The following GAB2 variants were observed in gnomAD, a reference collection of about 807,000 sequenced individuals.
GAB2 encodes the protein GRB2-associated-binding protein 2.
In GAB2, 26 loss-of-function variants were observed where a neutral mutation model predicts 65.5. That is an observed-to-expected ratio of 0.40 (90% CI 0.29 to 0.55). The LOEUF (loss-of-function observed/expected upper bound fraction) is 0.55, where lower values mean the gene tolerates loss of function less well. Ranked by LOEUF, GAB2 falls within the 20% of genes least tolerant of loss-of-function variation. The pLI, the probability that GAB2 is intolerant of heterozygous loss-of-function variation, is 0.53. For missense variants in GAB2, 884 were observed against 875.8 expected, an observed-to-expected ratio of 1.01 and a Z score of -0.12; for synonymous variants, 321 against 329.6, an observed-to-expected ratio of 0.97 and a Z score of 0.28.
intron 1 of GAB2, among the ~76,000 whole-genome samples, chr11:78,408,115 T>A (rs142722035): frequency 6.6e-6 from 1 of 152,250 alleles, no homozygotes; most frequent in East Asian, 1.9e-4. Flanking sequence ...AGAAAGCACA[T>A]AGTAAACAAA....
intron 1 of GAB2, among the ~76,000 whole-genome samples, chr11:78,303,197 C>A (rs1867081470): frequency 6.9e-6 from 1 of 145,294 alleles, no homozygotes; most frequent in Non-Finnish European, 1.5e-5. Context: ...TGTGGAAATA[C>A]AAAATTTTTT....
chr11:78,228,906 C>T (rs915939374), intron 3 of GAB2, among the ~76,000 whole-genome samples: 7 of 152,062 alleles, frequency 4.6e-5, no homozygotes, highest in Non-Finnish European at 7.4e-5. Flanking sequence ...TTTCATTTTG[C>T]TTTTTTTGGA....
intron 6 of GAB2, among the ~76,000 whole-genome samples, 168 bp downstream of exon 6, chr11:78,223,244 G>C (rs961365251): frequency 6.6e-6 from 1 of 152,124 alleles, no homozygotes; most frequent in Non-Finnish European, 1.5e-5. Flanking sequence ...AAACCTGGGA[G>C]GTAGGAATTA....
intron 9 of GAB2, among the ~76,000 whole-genome samples, 200 bp from the exon 10 acceptor site, chr11:78,219,615 C>T (rs1282802541): frequency 6.6e-6 from 1 of 152,156 alleles, no homozygotes; most frequent in Non-Finnish European, 1.5e-5. Context: ...CATCATCCCT[C>T]CTGCAGGATG....
chr11:78,313,045 G>A (rs750442260), intron 1 of GAB2, among the ~76,000 whole-genome samples: 1 of 152,064 alleles, frequency 6.6e-6, no homozygotes, highest in Non-Finnish European at 1.5e-5. Context: ...TCAGTCCTTG[G>A]TCTGCTATTT....
chr11:78,243,329 G>T (rs1480194565), intron 3 of GAB2, among the ~76,000 whole-genome samples: 2 of 152,030 alleles, frequency 1.3e-5, no homozygotes, highest in Non-Finnish European at 2.9e-5. Flanking sequence ...TTAGCCAGGA[G>T]TGGTGGTGGG....
intron 1 of GAB2, among the ~76,000 whole-genome samples, chr11:78,402,842 C>G (rs779029488): frequency 1.3e-5 from 2 of 152,066 alleles, no homozygotes; most frequent in Non-Finnish European, 2.9e-5. Flanking sequence ...ATGCCCCAGC[C>G]CGCCCCACCA....
At chr11:78,333,675 AG>A (rs1418274959) in intron 1 of GAB2, among the ~76,000 whole-genome samples, 1 of 152,212 alleles carries the variant, frequency 6.6e-6, no homozygotes, top group Non-Finnish European at 1.5e-5. Context: ...CAGGGAGAAC[AG>A]TAAGTTTTTC....
chr11:78,367,243 C>T (rs1356214803), intron 1 of GAB2, among the ~76,000 whole-genome samples: 1 of 152,204 alleles, frequency 6.6e-6, no homozygotes, highest in Non-Finnish European at 1.5e-5. Flanking sequence ...TGCCAGACAA[C>T]ATTCTGGTCA....
intron 1 of GAB2, among the ~76,000 whole-genome samples, chr11:78,312,454 C>G (rs1855520140): frequency 6.6e-6 from 1 of 152,212 alleles, no homozygotes; most frequent in South Asian, 2.1e-4. Flanking sequence ...GAGACGGAGT[C>G]TCGCTCTGTC....
At chr11:78,316,667 C>A (rs1049030145) in intron 1 of GAB2, among the ~76,000 whole-genome samples, 2 of 152,114 alleles carry the variant, frequency 1.3e-5, no homozygotes, top group African/African-American at 2.4e-5. Context: ...GAAACTGGAA[C>A]CCTTGTGCAA....
chr11:78,393,033 G>A (rs747914341), intron 1 of GAB2, among the ~76,000 whole-genome samples: 1 of 152,206 alleles, frequency 6.6e-6, no homozygotes, highest in Non-Finnish European at 1.5e-5. Flanking sequence ...ACACAGTCAC[G>A]CTGCAACATC....
At chr11:78,255,883 C>A (rs1239355624) in intron 2 of GAB2, among the ~76,000 whole-genome samples, 1 of 152,182 alleles carries the variant, frequency 6.6e-6, no homozygotes, top group Non-Finnish European at 1.5e-5. Flanking sequence ...TGGTGTGCTA[C>A]ATGTAACAGA....
rs189676805 is a variant in GAB2 at position 78,331,556 on chromosome 11, A to C, written c.76-50655T>G. On this transcript the variant is annotated intron_variant, in intron 1 of 9. Coordinates refer to ENST00000361507, the MANE Select transcript of GAB2 (RefSeq NM_080491.3). Reference sequence around the variant, plus strand: ...CACTGCGCCCAGCCCCGAATCCTCCATTCTTAAGGGATAACAAATCCAGAA... The same window carrying C: ...CACTGCGCCCAGCCCCGAATCCTCCCTTCTTAAGGGATAACAAATCCAGAA... Among the ~76,000 whole-genome samples the C allele has an allele frequency of 4.6e-5, 7 of 152,254 alleles. No homozygotes were observed. In the East Asian group the frequency reaches 1.4e-3, roughly 29 times the overall value.
In GAB2 at chr11:78,220,306, C is replaced by T. The variant is rs1864356298; in HGVS notation, c.1887+13G>A. The T allele has an allele frequency of 6.2e-7, 1 of 1,612,024 alleles. No individual in the cohort carries two copies. On this transcript the variant is annotated intron_variant, in intron 9 of 9. Transcript: ENST00000361507. ...GAGAGCTCTTACTGCCCCCCCAACT[C>T]TACTCCAGGCACCTTGCGGTGGGGG...
chr11:78,405,709 C>T (rs886406308), intron 1 of GAB2, among the ~76,000 whole-genome samples: 5 of 152,044 alleles, frequency 3.3e-5, no homozygotes, highest in African/African-American at 9.7e-5. Flanking sequence ...GAAGAGTAGG[C>T]GGCAGATTTG....
At chr11:78,352,077 G>C (rs1189687837) in intron 1 of GAB2, among the ~76,000 whole-genome samples, 1 of 152,142 alleles carries the variant, frequency 6.6e-6, no homozygotes, top group Non-Finnish European at 1.5e-5. Flanking sequence ...GCCAAGTGTG[G>C]TGGTGGGCAC....
chr11:78,320,080 G>A (rs1383269132), intron 1 of GAB2, among the ~76,000 whole-genome samples: 1 of 152,194 alleles, frequency 6.6e-6, no homozygotes, highest in East Asian at 1.9e-4. Flanking sequence ...CGCCATGTTG[G>A]CCAGGCTGGT....
chr11:78,378,003 C>T (rs1289330718), intron 1 of GAB2, among the ~76,000 whole-genome samples: 1 of 152,194 alleles, frequency 6.6e-6, no homozygotes, highest in Admixed American at 6.5e-5. Context: ...CCTCTCCACA[C>T]CTACCACGTG....
Sources: gnomAD v4.1 joint callset for allele counts (sites outside exome capture counted in the v4.1 genomes callset) on GRCh38, gnomAD v4.1.1 for gene constraint, MANE v1.5 for transcripts, NCBI Gene and HGNC (gene_info 2026-07-23, HGNC 2026-07-21) for gene names.